Variants in PILRB observed in about 807,000 individuals in gnomAD.
PILRB encodes the protein paired immunoglobulin-like type 2 receptor beta.
In PILRB, 21 loss-of-function variants were observed where a neutral mutation model predicts 20.5. The ratio of observed to expected loss-of-function variants is 1.02; its 90% CI spans 0.72 to 1.47. The LOEUF (loss-of-function observed/expected upper bound fraction) is 1.47, where lower values mean the gene tolerates loss of function less well. Ranked by LOEUF, PILRB falls within the 40% of genes most tolerant of loss-of-function variation. The probability of loss-of-function intolerance (pLI) is 0.00; values close to 1 mark genes in which losing one functional copy is unlikely to be tolerated. For synonymous variants in PILRB, 133 were observed against 115.1 expected (o/e 1.16, Z -0.99); for missense variants, 253 against 272.1 (o/e 0.93, Z 0.49).
At chr7:100,364,705 C>T (rs758360418) in intron 3 of PILRB, among the ~76,000 whole-genome samples, 2 of 152,212 alleles carry the variant, frequency 1.3e-5, no homozygotes, top group African/African-American at 2.4e-5. Context: ...TTCTGGGCAT[C>T]TATCCAACCA....
At chr7:100,362,074 A>G (rs1790543698) in intron 3 of PILRB, among the ~76,000 whole-genome samples, 1 of 152,154 alleles carries the variant, frequency 6.6e-6, no homozygotes, top group Non-Finnish European at 1.5e-5. Flanking sequence ...AATGGAGAGC[A>G]GGGGGGTCAG....
At position 100,358,232 on chromosome 7, in the gene PILRB, C is replaced by G. The variant is rs1790416438; in HGVS notation, c.-71C>G. 5 of 1,580,430 alleles carry G rather than the reference C, an allele frequency of 3.2e-6. No homozygotes were observed. The highest frequency in any genetic ancestry group is 4.3e-6 in the Non-Finnish European group (5 of 1,155,466). ...CCACTCACCTCAGCCCTCAGGCAGC[C>G]CCTCCACAGGGCCCCTCTCCTGCCT... On this transcript the variant is annotated 5_prime_UTR_variant, in exon 1 of 4. Transcript: ENST00000609309.
intron 1 of PILRB, 30 bp from the exon 2 acceptor site, chr7:100,358,660 T>C: frequency 6.2e-7 from 1 of 1,606,512 alleles, no homozygotes; most frequent in Non-Finnish European, 8.5e-7. Context: ...TTTCAAGGTC[T>C]CTCCCCCACT....
At chr7:100,359,193 C>T (rs1289863212) in intron 2 of PILRB, 114 bp downstream of exon 2, 4 of 1,501,782 alleles carry the variant, frequency 2.7e-6, no homozygotes, top group Non-Finnish European at 3.7e-6. Context: ...TAGCATTTCA[C>T]CTTGCTACCC....
At chr7:100,363,666 C>CA (rs1304193794) in intron 3 of PILRB, among the ~76,000 whole-genome samples, 1 of 152,170 alleles carries the variant, frequency 6.6e-6, no homozygotes, top group Non-Finnish European at 1.5e-5. Flanking sequence ...TTTGCTCAAA[C>CA]AAAAAATTCA....
intron 3 of PILRB, among the ~76,000 whole-genome samples, chr7:100,363,454 T>G (rs757509619): frequency 1.3e-5 from 2 of 152,198 alleles, no homozygotes; most frequent in Non-Finnish European, 2.9e-5. Flanking sequence ...AGTAAGATCT[T>G]TAGGAATAAA....
intron 3 of PILRB, among the ~76,000 whole-genome samples, chr7:100,364,134 G>C (rs1225043099): frequency 6.6e-6 from 1 of 150,430 alleles, no homozygotes; most frequent in Non-Finnish European, 1.5e-5. Context: ...GACATAAATA[G>C]AGCAGTGGAA....
Position 100,359,455 on chromosome 7 carries a change from G to T in PILRB, c.573G>T (p.Arg191Ser). Residue 191 changes from arginine (R) to serine (S), a missense_variant, in exon 3 of 4, where the codon AGG becomes AGT. Transcript: ENST00000609309. ...ACCTAAGTCTGGACACTGCCATCAG[G>T]GTTGCATTGGCTGTCGCTGTGCTCA... Reference protein sequence around the residue: ...SWHLSLDTAIRVALAVAVLKT... With the variant: ...SWHLSLDTAISVALAVAVLKT... 1.2e-6 allele frequency: 2 copies of T among 1,614,154 alleles called. No homozygotes were observed. Among genetic ancestry groups the T allele is most frequent in the Non-Finnish European group, 1.7e-6 (2 of 1,180,020 alleles).
chr7:100,366,383 TGAG>T (rs1790686241), intron 3 of PILRB, among the ~76,000 whole-genome samples: 1 of 150,970 alleles, frequency 6.6e-6, no homozygotes. Flanking sequence ...TCCCTGGAGT[TGAG>T]GGGTGCCGTG....
rs1181911771 is a variant in PILRB at position 100,358,262 on chromosome 7, A to G, written c.-41A>G. 2.4e-5 allele frequency: 39 copies of G among 1,609,956 alleles called. No homozygotes were observed. Among genetic ancestry groups the G allele is most frequent in the East Asian group, 4.5e-5 (2 of 44,870 alleles). On this transcript the variant is annotated 5_prime_UTR_variant, in exon 1 of 4. Transcript: ENST00000609309. ...CACAGGGCCCCTCTCCTGCCTGGAC[A>G]GCTCTGCTGGTCTCCCCGTCCCCTG...
At chr7:100,361,563 G>A (rs1009979991) in intron 3 of PILRB, among the ~76,000 whole-genome samples, 6 of 152,112 alleles carry the variant, frequency 3.9e-5, no homozygotes, top group Admixed American at 1.3e-4. Flanking sequence ...CATGGTGGCC[G>A]ACACCTGTAG....
chr7:100,358,682 T>C lies in PILRB; in HGVS notation c.65-8T>C. 1 of 1,612,260 alleles carries C rather than the reference T, an allele frequency of 6.2e-7. No homozygotes were observed. Among genetic ancestry groups the C allele is most frequent in the Non-Finnish European group, 8.5e-7 (1 of 1,178,668 alleles). The stretch of plus-strand genomic sequence containing the variant: ...GTCTCTCCCCCACTCACTCCCTCCT[T>C]CCTCTAGGTGGCTCCACAGGATCTG... On this transcript the variant is annotated splice_region_variant and splice_polypyrimidine_tract_variant and intron_variant, in intron 1 of 3. Coordinates refer to ENST00000609309, the MANE Select transcript of PILRB (RefSeq NM_178238.4).
chr7:100,359,428 G>A lies in PILRB; in HGVS notation c.546G>A (p.Trp182Ter), dbSNP rs1204432607. 3.1e-6 allele frequency: 5 copies of A among 1,614,046 alleles called. No homozygotes were observed. Among genetic ancestry groups the A allele is most frequent in the Non-Finnish European group, 4.2e-6 (5 of 1,180,018 alleles). Residue 182 changes from tryptophan (W) to a stop codon, truncating the protein, a stop_gained, in exon 3 of 4, where the codon TGG becomes TGA. Coordinates refer to ENST00000609309, the MANE Select transcript of PILRB (RefSeq NM_178238.4). LOFTEE classifies it high-confidence loss of function. ...VTESKGHSESWHLSLDTAIRV... is the reference protein window; with the variant it reads ...VTESKGHSES ...AAAGCAAAGGGCACTCAGAATCATG[G>A]CACCTAAGTCTGGACACTGCCATCA... is the stretch of plus-strand genomic sequence containing the variant.
chr7:100,360,819 T>C (rs556661657), intron 3 of PILRB, among the ~76,000 whole-genome samples: 1 of 152,318 alleles, frequency 6.6e-6, no homozygotes, highest in East Asian at 1.9e-4. Flanking sequence ...AGCACCCGTT[T>C]CCACTTGGGT....
chr7:100,360,576 G>A (rs1363928651), intron 3 of PILRB, among the ~76,000 whole-genome samples: 1 of 152,250 alleles, frequency 6.6e-6, no homozygotes, highest in Non-Finnish European at 1.5e-5. Flanking sequence ...GATGACCTTA[G>A]AAATCACATC....
At chr7:100,366,587 G>C (rs1790692839) in intron 3 of PILRB, among the ~76,000 whole-genome samples, 2 of 152,124 alleles carry the variant, frequency 1.3e-5, no homozygotes, top group Admixed American at 1.3e-4. Context: ...CAGAGGGGAG[G>C]GGAGGCCTAG....
At chr7:100,358,427 A>G in intron 1 of PILRB, 61 bp downstream of exon 1, 1 of 1,577,870 alleles carries the variant, frequency 6.3e-7, no homozygotes, top group Admixed American at 1.7e-5. Context: ...GGCCAACCCA[A>G]GACAAAGGCA....
At chr7:100,362,555 C>T (rs1790558997) in intron 3 of PILRB, among the ~76,000 whole-genome samples, 1 of 152,086 alleles carries the variant, frequency 6.6e-6, no homozygotes, top group Non-Finnish European at 1.5e-5. Context: ...GTTGCCCAGC[C>T]TGGAGTGCAG....
In PILRB at chr7:100,360,287, A is replaced by T. The variant is rs551103315; in HGVS notation, c.655+750A>T. 1.2e-4 allele frequency among the ~76,000 whole-genome samples: 19 copies of T among 152,332 alleles called. No homozygotes were observed. The South Asian group carries it at 3.5e-3, about 28-fold the overall frequency. On this transcript the variant is annotated intron_variant, in intron 3 of 3. Transcript: ENST00000609309. ...AAAGCATAGGCTCTGCTCTCAGGGAACTGGGGGTGTGGAGTTGTCAGTTGC... is the reference window on the plus strand; with the variant it reads ...AAAGCATAGGCTCTGCTCTCAGGGATCTGGGGGTGTGGAGTTGTCAGTTGC...
Sources: allele counts gnomAD v4.1 joint callset (sites outside exome capture counted in the v4.1 genomes callset), GRCh38; gene constraint gnomAD v4.1.1; transcripts MANE v1.5; gene names NCBI Gene and HGNC (gene_info 2026-07-23, HGNC 2026-07-21).